The following STPG2 variants were observed in gnomAD, a reference collection of about 807,000 sequenced individuals.
STPG2 encodes sperm tail PG-rich repeat containing 2.
STPG2 carries 56 observed loss-of-function variants against 54.2 expected under a neutral mutation model. That is an observed-to-expected ratio of 1.03 (90% CI 0.83 to 1.29). The LOEUF (loss-of-function observed/expected upper bound fraction) is 1.29, where lower values mean the gene tolerates loss of function less well. Ranked by LOEUF, STPG2 falls within the 50% of genes most tolerant of loss-of-function variation. The pLI is 0.00. For missense variants in STPG2, 596 were observed against 544.9 expected, an observed-to-expected ratio of 1.09 and a Z score of -0.93; for synonymous variants, 200 against 181.8, an observed-to-expected ratio of 1.10 and a Z score of -0.81.
intron 4 of STPG2, among the ~76,000 whole-genome samples, chr4:97,443,194 G>A (rs1393791185): frequency 6.6e-6 from 1 of 152,114 alleles, no homozygotes; most frequent in Non-Finnish European, 1.5e-5. Flanking sequence ...TTCCCTCGAG[G>A]AATCTTTTAG....
chr4:97,612,180 CATT>C (rs1340704225), intron 10 of STPG2, among the ~76,000 whole-genome samples: 1 of 150,560 alleles, frequency 6.6e-6, no homozygotes, highest in East Asian at 2.0e-4. Context: ...AGAATGGCAT[CATT>C]ATTTATCCCA....
At chr4:97,680,367 G>A (rs973678275) in intron 10 of STPG2, among the ~76,000 whole-genome samples, 5 of 151,902 alleles carry the variant, frequency 3.3e-5, no homozygotes, top group African/African-American at 9.7e-5. Flanking sequence ...GGATTCCTAG[G>A]TATTTTATTC....
Position 97,447,078 on chromosome 4 carries a change from A to G in STPG2, c.463-259245T>C, listed in dbSNP as rs538526063. Among the ~76,000 whole-genome samples, 88 of 152,330 alleles carry G rather than the reference A, an allele frequency of 5.8e-4. 1 individual carries two copies. Among genetic ancestry groups the G allele is most frequent in the East Asian group, 1.4e-3 (7 of 5,164 alleles). On this transcript the variant is annotated intron_variant, in intron 4 of 4. Transcript: ENST00000522676. ...CAAAATGCTGATAGTGATGTGGACAATGAAGTTTAGGCTGAAGTGGTCTCA... is the reference window on the plus strand; with the variant it reads ...CAAAATGCTGATAGTGATGTGGACAGTGAAGTTTAGGCTGAAGTGGTCTCA...
rs566234925 is a variant in STPG2, at chr4:98,050,897, C to T, written c.612+55056G>A. Among the ~76,000 whole-genome samples the T allele has an allele frequency of 4.6e-5, 7 of 151,360 alleles. No homozygotes were observed. The East Asian group carries it at 1.4e-3, about 30-fold the overall frequency. ...TCGGACGCCTGTAGTCCCAGCTACT[C>T]GGGAGGCTGAGGCAGGAGAATGGCA... On this transcript the variant is annotated intron_variant, in intron 5 of 10. Transcript: ENST00000295268.
chr4:98,119,527 G>T (rs1739615122), intron 3 of STPG2, among the ~76,000 whole-genome samples: 1 of 151,840 alleles, frequency 6.6e-6, no homozygotes, highest in African/African-American at 2.4e-5. Context: ...TACAATTGAG[G>T]TAATTAGCAA....
chr4:97,950,958 G>C (rs1733442039), intron 7 of STPG2, among the ~76,000 whole-genome samples: 1 of 152,128 alleles, frequency 6.6e-6, no homozygotes. Context: ...TGCTCCTGGG[G>C]ACAATATCAC....
intron 10 of STPG2, among the ~76,000 whole-genome samples, chr4:97,590,131 C>G (rs1312829156): frequency 6.6e-6 from 1 of 151,878 alleles, no homozygotes; most frequent in Non-Finnish European, 1.5e-5. Context: ...TGTCTTTAGC[C>G]TAAAAATACA....
chr4:97,590,776 G>A (rs1176007421), intron 10 of STPG2, among the ~76,000 whole-genome samples: 2 of 151,872 alleles, frequency 1.3e-5, no homozygotes, highest in Admixed American at 6.6e-5. Flanking sequence ...TAATATTAAT[G>A]CCTATATATT....
chr4:97,545,853 C>T (rs1469154150), intron 4 of STPG2, among the ~76,000 whole-genome samples: 1 of 151,966 alleles, frequency 6.6e-6, no homozygotes, highest in Non-Finnish European at 1.5e-5. Context: ...CATTGATGAG[C>T]TCTGCACTAA....
At chr4:97,898,487 G>A (rs1460816684) in intron 8 of STPG2, among the ~76,000 whole-genome samples, 1 of 151,550 alleles carries the variant, frequency 6.6e-6, no homozygotes, top group Non-Finnish European at 1.5e-5. Flanking sequence ...CATAAAATCT[G>A]TGTGAATGTT....
intron 9 of STPG2, among the ~76,000 whole-genome samples, chr4:97,772,519 A>T (rs1726251687): frequency 6.6e-6 from 1 of 152,296 alleles, no homozygotes; most frequent in Admixed American, 6.5e-5. Flanking sequence ...GGCTTATCAA[A>T]ATTTAAACAA....
At chr4:97,946,759 C>T (rs1244410338) in intron 7 of STPG2, among the ~76,000 whole-genome samples, 2 of 151,996 alleles carry the variant, frequency 1.3e-5, no homozygotes, top group Non-Finnish European at 2.9e-5. Flanking sequence ...TATATGTCTA[C>T]TTTTATATAA....
At chr4:97,738,759 A>C (rs1324300950) in intron 9 of STPG2, among the ~76,000 whole-genome samples, 1 of 152,098 alleles carries the variant, frequency 6.6e-6, no homozygotes, top group Admixed American at 6.5e-5. Flanking sequence ...ACACAATAAT[A>C]ATGGGAGACT....
intron 8 of STPG2, among the ~76,000 whole-genome samples, chr4:97,907,560 G>C (rs1225559178): frequency 1.3e-5 from 2 of 151,962 alleles, no homozygotes; most frequent in African/African-American, 2.4e-5. Context: ...ACATCGCCAA[G>C]TCAATCCTAA....
chr4:97,927,121 G>C (rs1361529675), intron 8 of STPG2, among the ~76,000 whole-genome samples: 1 of 151,934 alleles, frequency 6.6e-6, no homozygotes, highest in Non-Finnish European at 1.5e-5. Context: ...CTTTAACCTA[G>C]CTCGAGATGA....
intron 4 of STPG2, among the ~76,000 whole-genome samples, chr4:97,472,625 T>C (rs1375333707): frequency 6.6e-6 from 1 of 152,194 alleles, no homozygotes; most frequent in African/African-American, 2.4e-5. Context: ...TACCTAATTA[T>C]TAACTGTGGT....
At chr4:97,668,750 A>T (rs888538657) in intron 10 of STPG2, among the ~76,000 whole-genome samples, 1 of 102,720 alleles carries the variant, frequency 9.7e-6, no homozygotes, top group Admixed American at 1.1e-4. Flanking sequence ...TTCTAATTTG[A>T]AATAATGTAT....
chr4:98,077,003 T>C (rs1056714516), intron 5 of STPG2, among the ~76,000 whole-genome samples: 1 of 152,162 alleles, frequency 6.6e-6, no homozygotes, highest in Non-Finnish European at 1.5e-5. Flanking sequence ...GGTTCTCAAG[T>C]ATCTTCAGCG....
At chr4:97,482,521 TA>T (rs1353950801) in intron 4 of STPG2, among the ~76,000 whole-genome samples, 16 of 151,326 alleles carry the variant, frequency 1.1e-4, no homozygotes, top group African/African-American at 3.4e-4. Context: ...GAAAAAATAA[TA>T]AGAAAATATG....
Sources: allele counts gnomAD v4.1 joint callset (sites outside exome capture counted in the v4.1 genomes callset), GRCh38; gene constraint gnomAD v4.1.1; transcripts MANE v1.5; gene names NCBI Gene and HGNC (gene_info 2026-07-23, HGNC 2026-07-21).